The following TMEM132B variants were observed in gnomAD, a reference collection of about 807,000 sequenced individuals.
TMEM132B encodes transmembrane protein 132B.
A neutral mutation model predicts 90.8 loss-of-function variants in TMEM132B; 18 were observed. The ratio of observed to expected loss-of-function variants is 0.20; its 90% confidence interval spans 0.14 to 0.29. TMEM132B has a LOEUF of 0.29. TMEM132B is among the 10% of genes least tolerant of loss of function. The pLI, the probability that TMEM132B is intolerant of heterozygous loss-of-function variation, is 1.00. For missense variants in TMEM132B, 1,096 were observed against 1,326.8 expected (o/e 0.83, Z 2.70); for synonymous variants, 504 against 523.3 (o/e 0.96, Z 0.50).
intron 3 of TMEM132B, among the ~76,000 whole-genome samples, chr12:125,436,144 G>A (rs1185051588): frequency 6.6e-6 from 1 of 152,128 alleles, no homozygotes; most frequent in Non-Finnish European, 1.5e-5. Flanking sequence ...AAAGGGTTTG[G>A]GCTCCGGAGT....
At position 125,408,212 on chromosome 12, in the gene TMEM132B, G is replaced by T. The variant is rs932230175; in HGVS notation, c.960-7319G>T. 6.6e-6 allele frequency among the ~76,000 whole-genome samples: 1 copy of T among 152,192 alleles called. No individual in the cohort carries two copies. Among genetic ancestry groups the T allele is most frequent in the East Asian group, 1.9e-4 (1 of 5,198 alleles). Reference sequence around the variant, plus strand: ...TTGTGTGGTGATAGGCTGCTTCCTCGTTACTGCTGTATAGTGTTCCACTGT... The same window carrying T: ...TTGTGTGGTGATAGGCTGCTTCCTCTTTACTGCTGTATAGTGTTCCACTGT... On this transcript the variant is annotated intron_variant, in intron 2 of 8. Transcript: ENST00000682704. The surrounding 1 kb of genome is among the most constrained non-coding windows in gnomAD (Gnocchi z 5.9).
At chr12:125,265,614 A>G (rs1874673274) in intron 1 of TMEM132B, among the ~76,000 whole-genome samples, 2 of 152,160 alleles carry the variant, frequency 1.3e-5, no homozygotes, top group South Asian at 4.1e-4. Flanking sequence ...TGCGAACTGA[A>G]CACACTCATG....
At chr12:125,568,659 T>A (rs569632068) in intron 4 of TMEM132B, among the ~76,000 whole-genome samples, 28 of 152,330 alleles carry the variant, frequency 1.8e-4, no homozygotes, top group African/African-American at 6.7e-4. Flanking sequence ...GCTCTTTTGA[T>A]GGTTCTTGTT....
chr12:125,608,662 A>C (rs1341024066), intron 5 of TMEM132B, among the ~76,000 whole-genome samples: 3 of 152,210 alleles, frequency 2.0e-5, no homozygotes, highest in Non-Finnish European at 4.4e-5. Context: ...AAAGTCATAA[A>C]GTTTTCCACA....
chr12:125,604,850 A>G (rs1228968071), intron 5 of TMEM132B, among the ~76,000 whole-genome samples: 3 of 152,344 alleles, frequency 2.0e-5, no homozygotes, highest in South Asian at 4.1e-4. Flanking sequence ...TTTCAAAATC[A>G]TGGCTGATTA....
At chr12:125,319,326 G>A (rs1393985640) in intron 1 of TMEM132B, among the ~76,000 whole-genome samples, 2 of 152,216 alleles carry the variant, frequency 1.3e-5, no homozygotes, top group Non-Finnish European at 2.9e-5. Context: ...CACAGTGAGA[G>A]GGACAGGCAG....
At chr12:125,338,609 A>G (rs1043076992) in intron 1 of TMEM132B, among the ~76,000 whole-genome samples, 2 of 152,290 alleles carry the variant, frequency 1.3e-5, no homozygotes, top group East Asian at 1.9e-4. Context: ...TGTACATGCC[A>G]GCAGGTAGCC....
At chr12:125,606,897 A>C (rs1245124487) in intron 5 of TMEM132B, among the ~76,000 whole-genome samples, 1 of 152,200 alleles carries the variant, frequency 6.6e-6, no homozygotes, top group African/African-American at 2.4e-5. Context: ...CATTGGCCAG[A>C]ACTGAATCAC....
At chr12:125,556,996 C>T (rs117300533) in intron 4 of TMEM132B, among the ~76,000 whole-genome samples, 7 of 152,136 alleles carry the variant, frequency 4.6e-5, no homozygotes, top group African/African-American at 1.2e-4. Context: ...GGAAGAAAAA[C>T]GAAGGAAAAA....
intron 7 of TMEM132B, 140 bp from the exon 8 acceptor site, chr12:125,652,301 A>G (rs1474034811): frequency 1.4e-6 from 1 of 704,526 alleles, no homozygotes; most frequent in Non-Finnish European, 2.3e-6. Flanking sequence ...GAACAACGGC[A>G]TAATACTTCC....
At chr12:125,195,054 C>T (rs1323348240) in intron 1 of TMEM132B, among the ~76,000 whole-genome samples, 1 of 152,180 alleles carries the variant, frequency 6.6e-6, no homozygotes, top group Non-Finnish European at 1.5e-5. Context: ...ACCTGAGACT[C>T]AGTTTCCCTT....
intron 3 of TMEM132B, among the ~76,000 whole-genome samples, chr12:125,469,650 G>A (rs116623485): frequency 1.0e-3 from 155 of 152,202 alleles, no homozygotes; most frequent in African/African-American, 3.5e-3. Context: ...TTTCCAGCCC[G>A]GTGTCTTCTC....
chr12:125,331,661 C>T (rs1454095412), intron 1 of TMEM132B, among the ~76,000 whole-genome samples: 4 of 152,346 alleles, frequency 2.6e-5, no homozygotes, highest in Non-Finnish European at 2.9e-5. Context: ...CTCTTGGCTG[C>T]ACCCCTTACT....
intron 1 of TMEM132B, among the ~76,000 whole-genome samples, chr12:125,297,651 G>A (rs962121511): frequency 2.0e-5 from 3 of 152,224 alleles, no homozygotes; most frequent in Non-Finnish European, 4.4e-5. Flanking sequence ...GCTCAAGGGT[G>A]AGGTCCTAAA....
intron 5 of TMEM132B, among the ~76,000 whole-genome samples, chr12:125,603,847 G>A (rs1885624965): frequency 6.6e-6 from 1 of 152,144 alleles, no homozygotes. Context: ...ATGAAGAAAA[G>A]CTCAACATCA....
intron 1 of TMEM132B, among the ~76,000 whole-genome samples, chr12:125,265,140 T>C (rs1874656659): frequency 6.6e-6 from 1 of 152,132 alleles, no homozygotes; most frequent in Non-Finnish European, 1.5e-5. Flanking sequence ...ATAGTAAAAA[T>C]ATAGTATTTT....
At chr12:125,291,036 A>C (rs927040770) in intron 1 of TMEM132B, among the ~76,000 whole-genome samples, 3 of 152,188 alleles carry the variant, frequency 2.0e-5, no homozygotes, top group African/African-American at 7.2e-5. Flanking sequence ...GCCAATTCAT[A>C]CGTTGAAATG....
chr12:125,339,706 G>A (rs1877110331), intron 1 of TMEM132B, among the ~76,000 whole-genome samples: 1 of 152,210 alleles, frequency 6.6e-6, no homozygotes, highest in South Asian at 2.1e-4. Context: ...AGCAGCCACT[G>A]TGTAGCCAGG....
chr12:125,237,257 G>A (rs577961001), intron 1 of TMEM132B, among the ~76,000 whole-genome samples: 2 of 152,058 alleles, frequency 1.3e-5, no homozygotes, highest in African/African-American at 4.8e-5. Context: ...CCTCCAGGGG[G>A]CACCAAGGGG....
Sources: allele counts gnomAD v4.1 joint callset (sites outside exome capture counted in the v4.1 genomes callset), GRCh38; gene constraint gnomAD v4.1.1; non-coding constraint Gnocchi (gnomAD v3.1); transcripts MANE v1.5; gene names NCBI Gene and HGNC (gene_info 2026-07-23, HGNC 2026-07-21).